Variants in NRG1 observed in about 807,000 individuals in gnomAD.
The protein encoded by NRG1 is neuregulin 1.
A neutral mutation model predicts 63.8 loss-of-function variants in NRG1; 18 were observed. That is an observed-to-expected ratio of 0.28 (90% CI 0.19 to 0.42). The LOEUF (loss-of-function observed/expected upper bound fraction) is 0.42. NRG1 is among the 10% of genes least tolerant of loss of function. The pLI is 1.00. For synonymous variants in NRG1, 302 were observed against 301.3 expected, an observed-to-expected ratio of 1.00 and a Z score of -0.02; for missense variants, 762 against 814.7, an observed-to-expected ratio of 0.94 and a Z score of 0.79.
At chr8:32,110,277 G>A (rs1263579093) in intron 1 of NRG1, among the ~76,000 whole-genome samples, 3 of 149,400 alleles carry the variant, frequency 2.0e-5, no homozygotes, top group African/African-American at 7.6e-5. Flanking sequence ...GGGCTCAAGA[G>A]TCAAAGGACA....
chr8:31,639,619 C>A (rs1803534032), intron 1 of NRG1: 1 of 1,409,514 alleles, frequency 7.1e-7, no homozygotes, highest in Admixed American at 2.7e-5. Flanking sequence ...TCCTCCACCT[C>A]CACGTCCTCC....
At chr8:32,620,884 T>A (rs1355137508) in intron 5 of NRG1, among the ~76,000 whole-genome samples, 4 of 151,656 alleles carry the variant, frequency 2.6e-5, no homozygotes, top group Non-Finnish European at 5.9e-5. Context: ...AAGAAGAAAA[T>A]AGAAGTCACT....
At chr8:32,418,524 C>T (rs1017287147) in intron 1 of NRG1, among the ~76,000 whole-genome samples, 1 of 151,876 alleles carries the variant, frequency 6.6e-6, no homozygotes, top group Non-Finnish European at 1.5e-5. Context: ...ACTTACAGTA[C>T]ATCTTAATTT....
chr8:32,474,181 A>C (rs1824193924), intron 1 of NRG1, among the ~76,000 whole-genome samples: 1 of 152,266 alleles, frequency 6.6e-6, no homozygotes, highest in Non-Finnish European at 1.5e-5. Context: ...TAGGTAAAAC[A>C]ATCATGTGAA....
chr8:31,982,584 T>C (rs1248073468), intron 1 of NRG1, among the ~76,000 whole-genome samples: 1 of 151,964 alleles, frequency 6.6e-6, no homozygotes, highest in Non-Finnish European at 1.5e-5. Flanking sequence ...AGAATTTGTT[T>C]GTTGGGAATG....
intron 1 of NRG1, among the ~76,000 whole-genome samples, chr8:32,295,821 AGAATACTCAGGAGGCCGAGGCAGGG>A (rs1854776596): frequency 1.3e-5 from 2 of 151,464 alleles, no homozygotes; most frequent in Admixed American, 6.6e-5. Context: ...GGGTGGCAGG[AGAATACTCAGGAGGCCGAGGCAGGG>A]GAATTGCTTG....
chr8:32,470,265 C>T (rs1444145155), intron 1 of NRG1, among the ~76,000 whole-genome samples: 9 of 151,154 alleles, frequency 6.0e-5, no homozygotes, highest in Admixed American at 1.3e-4. Flanking sequence ...ACTGCAAGCT[C>T]CGCCTCCCGG....
At chr8:32,186,874 A>T (rs1161156068) in intron 1 of NRG1, among the ~76,000 whole-genome samples, 1 of 152,184 alleles carries the variant, frequency 6.6e-6, no homozygotes, top group Non-Finnish European at 1.5e-5. Flanking sequence ...AGAGTTCCAC[A>T]GTCAGAACCT....
At chr8:31,840,345 C>T (rs1193332121) in intron 1 of NRG1, among the ~76,000 whole-genome samples, 5 of 59,038 alleles carry the variant, frequency 8.5e-5, no homozygotes, top group Admixed American at 4.2e-4. Flanking sequence ...GTGCTATTCT[C>T]TGTCTTTTTT....
At chr8:32,136,158 C>G (rs531247959) in intron 1 of NRG1, among the ~76,000 whole-genome samples, 35 of 152,276 alleles carry the variant, frequency 2.3e-4, no homozygotes, top group African/African-American at 7.9e-4. Flanking sequence ...AAGGCAGGTT[C>G]AGTTGCTGTT....
intron 1 of NRG1, among the ~76,000 whole-genome samples, chr8:31,901,277 C>A (rs558053997): frequency 6.6e-6 from 1 of 152,308 alleles, no homozygotes; most frequent in South Asian, 2.1e-4. Context: ...CAGGCAGGTT[C>A]TTTCTCTTCT....
At chr8:32,114,940 C>T (rs1832513333) in intron 1 of NRG1, among the ~76,000 whole-genome samples, 1 of 152,134 alleles carries the variant, frequency 6.6e-6, no homozygotes, top group Non-Finnish European at 1.5e-5. Flanking sequence ...AGAACAGAAA[C>T]TGATAACACT....
chr8:32,193,976 C>T (rs138459579), intron 1 of NRG1, among the ~76,000 whole-genome samples: 7 of 152,242 alleles, frequency 4.6e-5, no homozygotes, highest in African/African-American at 1.7e-4. Flanking sequence ...TGATCTCAAA[C>T]TTCCAGGGCA....
chr8:32,155,746 G>A (rs146897676), intron 1 of NRG1, among the ~76,000 whole-genome samples: 247 of 152,184 alleles, frequency 1.6e-3, no homozygotes, highest in Middle Eastern at 3.4e-3. Context: ...GAATCTGATC[G>A]TATTCTAATA....
At chr8:31,908,028 T>C (rs748808066) in intron 1 of NRG1, among the ~76,000 whole-genome samples, 4 of 152,188 alleles carry the variant, frequency 2.6e-5, no homozygotes, top group Non-Finnish European at 5.9e-5. Flanking sequence ...TTCCTTCTTT[T>C]GTCCCACCCC....
At chr8:32,446,313 A>G (rs187210880) in intron 1 of NRG1, among the ~76,000 whole-genome samples, 7 of 152,258 alleles carry the variant, frequency 4.6e-5, no homozygotes, top group East Asian at 1.9e-4. Flanking sequence ...GTGGATTTGC[A>G]TAGATTCAGA....
intron 1 of NRG1, among the ~76,000 whole-genome samples, chr8:32,460,663 G>A (rs1822194332): frequency 6.6e-6 from 1 of 152,104 alleles, no homozygotes; most frequent in Non-Finnish European, 1.5e-5. Flanking sequence ...TGGAGGCTTG[G>A]AAAAAACCCA....
chr8:32,548,414 G>A (rs1833378078), exon 1 of NRG1: 1 of 1,104,232 alleles, frequency 9.1e-7, no homozygotes, highest in Non-Finnish European at 1.1e-6. Context: ...CTCCCCGATC[G>A]GGTTGCGAGG....
chr8:31,857,356 G>A (rs1828009134), intron 1 of NRG1, among the ~76,000 whole-genome samples: 1 of 152,230 alleles, frequency 6.6e-6, no homozygotes, highest in Admixed American at 6.5e-5. Context: ...CAGTATTCAG[G>A]TGGGAGTGAC....
Sources: gnomAD v4.1 joint callset for allele counts (sites outside exome capture counted in the v4.1 genomes callset) on GRCh38, gnomAD v4.1.1 for gene constraint, MANE v1.5 for transcripts, NCBI Gene and HGNC (gene_info 2026-07-23, HGNC 2026-07-21) for gene names.